Variants in CLSTN3 observed in about 807,000 individuals in gnomAD.
The protein encoded by CLSTN3 is calsyntenin-3.
Under a neutral mutation model 95.9 loss-of-function variants are expected in CLSTN3, and 36 were observed. That is an observed-to-expected ratio of 0.38 (90% CI 0.29 to 0.50). CLSTN3 has a LOEUF of 0.50. Among genes scored for constraint, CLSTN3 ranks in the 20% least tolerant of loss-of-function variants. CLSTN3 has a pLI of 0.95. For missense variants in CLSTN3, 1,084 were observed against 1,268.8 expected (o/e 0.85, Z 2.21); for synonymous variants, 481 against 504.0 (o/e 0.95, Z 0.61).
intron 6 of CLSTN3, 32 bp downstream of exon 6, chr12:7,136,423 AT>A: frequency 6.5e-7 from 1 of 1,537,386 alleles, no homozygotes; most frequent in Non-Finnish European, 8.8e-7. Context: ...CCTCAGGCCT[AT>A]CCCTTCCCAT....
intron 10 of CLSTN3, 65 bp from the exon 11 acceptor site, chr12:7,142,804 G>C: frequency 7.1e-7 from 1 of 1,404,048 alleles, no homozygotes; most frequent in Non-Finnish European, 9.8e-7. Context: ...CTTTCTCTCA[G>C]CCTTCGTCCT....
intron 4 of CLSTN3, 84 bp from the exon 5 acceptor site, chr12:7,135,720 G>A: frequency 2.7e-6 from 4 of 1,499,158 alleles, no homozygotes; most frequent in Non-Finnish European, 3.6e-6. Flanking sequence ...CCTGCCTGCT[G>A]CCCGATGATC....
chr12:7,132,096 T>C (rs1193834217), intron 1 of CLSTN3, among the ~76,000 whole-genome samples: 2 of 152,024 alleles, frequency 1.3e-5, no homozygotes, highest in East Asian at 3.9e-4. Context: ...CCAGGCTGAA[T>C]CTGGTAGAAG....
At position 7,130,456 on chromosome 12, in the gene CLSTN3, C is replaced by G; in HGVS notation, c.-193C>G. The stretch of plus-strand genomic sequence containing the variant: ...CGGGAAGCCGCTGCAAGTCCACCGC[C>G]TCAGCTACCCAGATTGGGATCTGCC... On this transcript the variant is annotated 5_prime_UTR_variant, in exon 1 of 18. Transcript: ENST00000266546. 6.8e-7 allele frequency: 1 copy of G among 1,470,706 alleles called. No individual in the cohort carries two copies. The highest frequency in any genetic ancestry group is 9.0e-7 in the Non-Finnish European group (1 of 1,112,488). 91.1% of individuals were successfully genotyped at this position (1,470,706 alleles called of 1,614,324 possible).
chr12:7,130,312 C>T (rs1939265167), upstream of CLSTN3: 3 of 464,218 alleles, frequency 6.5e-6, no homozygotes, highest in African/African-American at 5.1e-5. Context: ...GTCCCCCCCC[C>T]TCCCAGTCAC....
upstream of CLSTN3, chr12:7,130,270 C>T: frequency 3.1e-6 from 2 of 646,430 alleles, no homozygotes; most frequent in Non-Finnish European, 2.2e-6. Flanking sequence ...ACGCCCCAGT[C>T]TCATTGGCTC....
chr12:7,129,188 G>T (rs945393241), upstream of CLSTN3: 1 of 272,474 alleles, frequency 3.7e-6, no homozygotes, highest in Non-Finnish European at 7.4e-6. The surrounding 1 kb of genome is among the most constrained non-coding windows in gnomAD (Gnocchi z 5.5). Flanking sequence ...CTTGGGAACC[G>T]TCCCAGGGCC....
At position 7,141,561 on chromosome 12, in the gene CLSTN3, C is replaced by T. The variant is rs1939526979; in HGVS notation, c.1486+157C>T. Among the ~76,000 whole-genome samples, 1 of 152,182 alleles carries T rather than the reference C, an allele frequency of 6.6e-6. No individual in the cohort carries two copies. The highest frequency in any genetic ancestry group is 6.5e-5 in the Admixed American group (1 of 15,282). ...TGAAGATCTCCATGGGAAGGGACCA[C>T]AGCCTCCCTCCCGTATCTCCCACTA... On this transcript the variant is annotated intron_variant, in intron 9 of 17. Coordinates refer to ENST00000266546, the MANE Select transcript of CLSTN3 (RefSeq NM_014718.4). This position sits in a 1 kb window ranked among gnomAD's most constrained non-coding sequence, Gnocchi z 4.1.
In CLSTN3 at chr12:7,141,897, G is replaced by A. The variant is rs990563276; in HGVS notation, c.1487-189G>A. Among the ~76,000 whole-genome samples, 3 of 152,166 alleles carry A rather than the reference G, an allele frequency of 2.0e-5. No individual in the cohort carries two copies. The highest frequency in any genetic ancestry group is 4.4e-5 in the Non-Finnish European group (3 of 68,036). ...TTTGTCTATAATAGAGGCTGGAGAG[G>A]TTGGAACATGACAAAAGAAGGGTTG... On this transcript the variant is annotated intron_variant, in intron 9 of 17. Coordinates refer to ENST00000266546, the MANE Select transcript of CLSTN3 (RefSeq NM_014718.4). The surrounding 1 kb of genome is among the most constrained non-coding windows in gnomAD (Gnocchi z 4.1).
Position 7,157,503 on chromosome 12 carries a change from G to T in CLSTN3, c.2542G>T (p.Ala848Ser). Residue 848 changes from alanine to serine, a missense_variant, in exon 17 of 18, where the codon GCA (alanine) becomes TCA (serine). Ala to Ser is a moderately conservative substitution (Grantham distance 99). Coordinates refer to ENST00000266546, the MANE Select transcript of CLSTN3 (RefSeq NM_014718.4). The surrounding 1 kb of genome is among the most constrained non-coding windows in gnomAD (Gnocchi z 5.9). ...SHRNSMIPSAATLIIVVCVGF... is the reference protein window; with the variant it reads ...SHRNSMIPSASTLIIVVCVGF... ...TCTCTCTGCAGTGATACCCAGCGCC[G>T]CAACCCTCATCATTGTGGTGTGCGT... The T allele has an allele frequency of 6.3e-7, 1 of 1,587,738 alleles. No individual in the cohort carries two copies. Among genetic ancestry groups the T allele is most frequent in the South Asian group, 1.1e-5 (1 of 87,504 alleles).
chr12:7,157,431 C>T lies in CLSTN3; in HGVS notation c.2528-58C>T. 1 of 1,462,088 alleles carries T rather than the reference C, an allele frequency of 6.8e-7. No homozygotes were observed. The highest frequency in any genetic ancestry group is 9.2e-7 in the Non-Finnish European group (1 of 1,090,798). The allele number at this position is 1,462,088 out of a possible 1,614,324, so 90.6% of individuals were successfully genotyped here. On this transcript the variant is annotated intron_variant, in intron 16 of 17. Coordinates refer to ENST00000266546, the MANE Select transcript of CLSTN3 (RefSeq NM_014718.4). The surrounding 1 kb of genome is among the most constrained non-coding windows in gnomAD (Gnocchi z 5.9). ...CCTCTTTTCCTACCCAGCCCCCTGTCCAAGTGCCCCCAGGTGTGCCTAGTC... is the reference window on the plus strand; with the variant it reads ...CCTCTTTTCCTACCCAGCCCCCTGTTCAAGTGCCCCCAGGTGTGCCTAGTC...
chr12:7,135,684 T>A (rs900500705), intron 4 of CLSTN3, 120 bp from the exon 5 acceptor site: 2 of 1,387,008 alleles, frequency 1.4e-6, no homozygotes, highest in Non-Finnish European at 2.0e-6. Flanking sequence ...CCCAGATGCC[T>A]TTTTTCCCAG....
intron 11 of CLSTN3, 21 bp from the exon 12 acceptor site, chr12:7,143,142 G>C (rs779865357): frequency 5.0e-6 from 8 of 1,610,004 alleles, no homozygotes; most frequent in South Asian, 1.1e-5. Flanking sequence ...GCTCTCAGCT[G>C]TATCTGTGTC....
In CLSTN3 at chr12:7,142,925, C is replaced by T. The variant is rs935198107; in HGVS notation, c.1597C>T (p.Arg533Cys). The T allele has an allele frequency of 6.8e-6, 11 of 1,614,146 alleles. No homozygotes were observed. The highest frequency in any genetic ancestry group is 2.2e-5 in the East Asian group (1 of 44,878). ...TGGCTACCTGGCTGGTTTCAGCGTG[C>T]GCTCAGGTCGCCTGGAGAGCCGCGA... ...FHGYLAGFSV[R>C]SGRLESREVI... Residue 533 changes from arginine (R) to cysteine (C), a missense_variant, in exon 11 of 18, where the codon CGC becomes TGC. By Grantham distance (180) the Arg-to-Cys change is radical. Coordinates refer to ENST00000266546, the MANE Select transcript of CLSTN3 (RefSeq NM_014718.4).
At chr12:7,140,007 G>A (rs796322813) in intron 8 of CLSTN3, among the ~76,000 whole-genome samples, 15 of 152,294 alleles carry the variant, frequency 9.8e-5, no homozygotes, top group African/African-American at 3.6e-4. Flanking sequence ...GGTATCTAAT[G>A]GTGACAGTAA....
In CLSTN3 at chr12:7,135,928, G is replaced by C; in HGVS notation, c.717G>C (p.Lys239Asn). 2 of 1,612,670 alleles carry C rather than the reference G, an allele frequency of 1.2e-6. No individual in the cohort carries two copies. Among genetic ancestry groups the C allele is most frequent in the Non-Finnish European group, 1.7e-6 (2 of 1,179,334 alleles). ...ATGCTGAGGTGGAGATTCAGGTGAA[G>C]CCCACCTGTAAACCCAGCTGGCAAG... ...ADDAEVEIQV[K>N]PTCKPSWQGW... The change falls in exon 5 of 18, where the codon AAG (lysine) becomes AAC (asparagine). Residue 239 changes from lysine (K) to asparagine (N), a missense_variant. Coordinates refer to ENST00000266546, the MANE Select transcript of CLSTN3 (RefSeq NM_014718.4).
rs1939696104 is a variant in CLSTN3 at position 7,149,995 on chromosome 12, CCAGCTTTCTAACCCTCT to C, written c.2245+303_2245+319del. On this transcript the variant is annotated intron_variant, in intron 14 of 17. Transcript: ENST00000266546. The surrounding 1 kb of genome is among the most constrained non-coding windows in gnomAD (Gnocchi z 4.5). ...CTCTCCTCCTTCGGCTCATCTCTGC[CCAGCTTTCTAACCCTCT>C]AGCTGTCTGTTTGTTACCGGTCATC... Among the ~76,000 whole-genome samples, 1 of 152,180 alleles carries C rather than the reference CCAGCTTTCTAACCCTCT, an allele frequency of 6.6e-6. No individual in the cohort carries two copies. The highest frequency in any genetic ancestry group is 1.5e-5 in the Non-Finnish European group (1 of 68,040).
At position 7,157,177 on chromosome 12, in the gene CLSTN3, A is replaced by G. The variant is rs1395830818; in HGVS notation, c.2528-312A>G. Among the ~76,000 whole-genome samples the G allele has an allele frequency of 2.0e-5, 3 of 152,158 alleles. No homozygotes were observed. Among genetic ancestry groups the G allele is most frequent in the African/African-American group, 7.2e-5 (3 of 41,424 alleles). On this transcript the variant is annotated intron_variant, in intron 16 of 17. Coordinates refer to ENST00000266546, the MANE Select transcript of CLSTN3 (RefSeq NM_014718.4). This position sits in a 1 kb window ranked among gnomAD's most constrained non-coding sequence, Gnocchi z 5.9. ...AGTCCTTGCCCTCTGTCCTCTGCGAATAGGGCTGTTCATGACAGTGTTGGG... is the reference window on the plus strand; with the variant it reads ...AGTCCTTGCCCTCTGTCCTCTGCGAGTAGGGCTGTTCATGACAGTGTTGGG...
In CLSTN3 at chr12:7,135,972, G is replaced by T; in HGVS notation, c.742+19G>T. 6 of 1,575,908 alleles carry T rather than the reference G, an allele frequency of 3.8e-6. No individual in the cohort carries two copies. The East Asian group carries it at 1.3e-4, about 35-fold the overall frequency. On this transcript the variant is annotated intron_variant, in intron 5 of 17. Coordinates refer to ENST00000266546, the MANE Select transcript of CLSTN3 (RefSeq NM_014718.4). ...TGGCAAGGTGAGAGCTCAGCGCTGTGCCCCATCTTGTGAATCATCTTTTTT... is the reference window on the plus strand; with the variant it reads ...TGGCAAGGTGAGAGCTCAGCGCTGTTCCCCATCTTGTGAATCATCTTTTTT...
Sources: allele counts gnomAD v4.1 joint callset (sites outside exome capture counted in the v4.1 genomes callset), GRCh38; gene constraint gnomAD v4.1.1; non-coding constraint Gnocchi (gnomAD v3.1); transcripts MANE v1.5; gene names NCBI Gene and HGNC (gene_info 2026-07-23, HGNC 2026-07-21).